The following ARID2 variants were observed in gnomAD, a reference collection of about 807,000 sequenced individuals.
ARID2 encodes the protein AT-rich interactive domain-containing protein 2.
Under a neutral mutation model 184.6 loss-of-function variants are expected in ARID2, and 32 were observed. The ratio of observed to expected loss-of-function variants is 0.17; its 90% CI spans 0.13 to 0.23. ARID2 has a LOEUF of 0.23. ARID2 is among the 10% of genes least tolerant of loss of function. ARID2 has a pLI of 1.00. For missense variants in ARID2, 1,696 were observed against 2,197.6 expected (o/e 0.77, Z 4.56); for synonymous variants, 836 against 772.6 (o/e 1.08, Z -1.36).
intron 3 of ARID2, among the ~76,000 whole-genome samples, chr12:45,774,370 G>A (rs1229008337): frequency 1.3e-5 from 2 of 152,108 alleles, no homozygotes; most frequent in Admixed American, 6.6e-5. Context: ...AGCTGGGGCT[G>A]AATTGGCTGA....
chr12:45,746,960 G>A (rs757644321), intron 3 of ARID2, among the ~76,000 whole-genome samples: 1 of 152,086 alleles, frequency 6.6e-6, no homozygotes, highest in Non-Finnish European at 1.5e-5. Context: ...AGGTAGAGAT[G>A]GGGTTTCACC....
intron 16 of ARID2, among the ~76,000 whole-genome samples, chr12:45,877,312 C>A (rs1018486320): frequency 1.3e-5 from 2 of 151,980 alleles, no homozygotes; most frequent in Non-Finnish European, 2.9e-5. Context: ...CCTGTTAGAT[C>A]AGTGGCGGCA....
intron 3 of ARID2, among the ~76,000 whole-genome samples, chr12:45,797,469 G>A (rs1344540160): frequency 1.3e-5 from 2 of 152,032 alleles, no homozygotes; most frequent in Non-Finnish European, 2.9e-5. Flanking sequence ...CCTGATCTCA[G>A]GTGATCCACC....
At chr12:45,801,172 C>T (rs933688115) in intron 3 of ARID2, among the ~76,000 whole-genome samples, 19 of 151,948 alleles carry the variant, frequency 1.3e-4, no homozygotes, top group African/African-American at 4.1e-4. Flanking sequence ...ATTAGCCACG[C>T]GCGGTGGTAG....
chr12:45,784,569 C>T (rs1489272226), intron 3 of ARID2, among the ~76,000 whole-genome samples: 2 of 151,934 alleles, frequency 1.3e-5, no homozygotes, highest in African/African-American at 4.8e-5. Flanking sequence ...GGGGCTGAGG[C>T]GGGAAGATCA....
chr12:45,821,112 T>C (rs1003625077), intron 5 of ARID2, among the ~76,000 whole-genome samples: 2 of 152,156 alleles, frequency 1.3e-5, no homozygotes, highest in Non-Finnish European at 2.9e-5. Flanking sequence ...TTTTAAGATT[T>C]TTCTTCTGTA....
intron 3 of ARID2, among the ~76,000 whole-genome samples, chr12:45,783,405 A>G (rs1942133815): frequency 6.6e-6 from 1 of 152,226 alleles, no homozygotes; most frequent in East Asian, 1.9e-4. Context: ...CATCTCAGTA[A>G]ATGAGGAAAA....
intron 11 of ARID2, among the ~76,000 whole-genome samples, chr12:45,846,533 A>T (rs1260111040): frequency 6.6e-6 from 1 of 152,122 alleles, no homozygotes; most frequent in African/African-American, 2.4e-5. Context: ...AAGTAAGCAG[A>T]TATTGTAAAG....
chr12:45,866,928 T>TTTGTTGTTGTTG lies in ARID2; in HGVS notation c.4922+6006_4922+6017dup, dbSNP rs369872664. On this transcript the variant is annotated intron_variant, in intron 16 of 20. Transcript: ENST00000334344. ...TGTTTTGTTGGGTTGTTTTGTGAAG[T>TTTGTTGTTGTTG]TTGTTGTTGTTGTTGTTGTTGTTGT... Among the ~76,000 whole-genome samples, 26 of 150,164 alleles carry TTTGTTGTTGTTG rather than the reference T, an allele frequency of 1.7e-4. 1 individual carries two copies. The highest frequency in any genetic ancestry group is 1.2e-3 in the East Asian group (6 of 5,006).
At chr12:45,801,886 G>C (rs1415356081) in intron 3 of ARID2, among the ~76,000 whole-genome samples, 2 of 152,076 alleles carry the variant, frequency 1.3e-5, no homozygotes, top group African/African-American at 4.8e-5. Context: ...TCTGGATGAA[G>C]GATAAATGAA....
intron 3 of ARID2, among the ~76,000 whole-genome samples, chr12:45,793,821 G>GT (rs1942338656): frequency 1.4e-5 from 2 of 146,846 alleles, no homozygotes; most frequent in Non-Finnish European, 3.0e-5. Context: ...AGGTCTGCTG[G>GT]TTTTAAAAAA....
chr12:45,860,661 T>C, intron 15 of ARID2, 140 bp from the exon 16 acceptor site: 1 of 688,124 alleles, frequency 1.5e-6, no homozygotes, highest in Non-Finnish European at 2.0e-6. Context: ...ATTTTAAAGG[T>C]AATCATAAGC....
chr12:45,851,375 T>G lies in ARID2; in HGVS notation c.3252T>G (p.Ile1084Met), dbSNP rs1429185265. ...AGCTTATTCTCCCAGCTCCACAGAT[T>G]CCTCCCCCTAATAATGCAAGAGCTC... Reference protein sequence around the residue: ...GGKLILPAPQIPPPNNARAPS... With the variant: ...GGKLILPAPQMPPPNNARAPS... The change falls in exon 15 of 21, where the codon ATT (isoleucine) becomes ATG (methionine). Residue 1084 changes from isoleucine (I) to methionine (M), a missense_variant. Coordinates refer to ENST00000334344, the MANE Select transcript of ARID2 (RefSeq NM_152641.4). 11 of 1,613,884 alleles carry G rather than the reference T, an allele frequency of 6.8e-6. No homozygotes were observed. In the African/African-American group the frequency reaches 1.3e-4, roughly 20 times the overall value.
intron 3 of ARID2, among the ~76,000 whole-genome samples, chr12:45,754,639 A>G (rs1311541100): frequency 6.6e-6 from 1 of 152,194 alleles, no homozygotes; most frequent in African/African-American, 2.4e-5. Context: ...TATCTCATCA[A>G]GCAGCTTGAA....
In ARID2 at chr12:45,848,889, T is replaced by C. The variant is rs1943489769; in HGVS notation, c.1634T>C (p.Met545Thr). 1.2e-6 allele frequency: 2 copies of C among 1,612,588 alleles called. No homozygotes were observed. The highest frequency in any genetic ancestry group is 8.5e-7 in the Non-Finnish European group (1 of 1,179,070). The change falls in exon 13 of 21, where the codon ATG (methionine) becomes ACG (threonine). Residue 545 changes from methionine (M) to threonine (T), a missense_variant. Transcript: ENST00000334344. ...NPDCSVSRAE[M>T]YSEYLSTCSK... ...GATTGTTCTGTTTCTCGAGCAGAAA[T>C]GTATTCTGAATACCTCTCGACTTGC...
At position 45,808,058 on chromosome 12, in the gene ARID2, TG is replaced by T. The variant is rs1942633632; in HGVS notation, c.285-3359del. Among the ~76,000 whole-genome samples the T allele has an allele frequency of 3.9e-5, 6 of 152,312 alleles. No individual in the cohort carries two copies. In the South Asian group the frequency reaches 1.2e-3, roughly 32 times the overall value. ...TTACTATAGGAGCTCAGCAAATATT[TG>T]TTTGAATAATATGTTAACTGTTCAA... is the stretch of plus-strand genomic sequence containing the variant. On this transcript the variant is annotated intron_variant, in intron 3 of 20. Transcript: ENST00000334344.
At chr12:45,901,781 C>T (rs1043771454) in intron 20 of ARID2, among the ~76,000 whole-genome samples, 1 of 152,154 alleles carries the variant, frequency 6.6e-6, no homozygotes, top group East Asian at 1.9e-4. Context: ...CCCACCTTAG[C>T]CTCCTGAGTA....
intron 20 of ARID2, chr12:45,894,052 C>T (rs1365620748): frequency 1.6e-5 from 3 of 182,258 alleles, no homozygotes; most frequent in South Asian, 1.6e-4. Context: ...ATTTGAATCA[C>T]GTGGAGTCCA....
chr12:45,906,797 G>T lies in ARID2; in HGVS notation c.*1719G>T, dbSNP rs543999333. 4 of 231,948 alleles carry T rather than the reference G, an allele frequency of 1.7e-5. No individual in the cohort carries two copies. In the Admixed American group the frequency reaches 2.3e-4, roughly 13 times the overall value. The allele number at this position is 231,948 out of a possible 1,614,324, so 14.4% of individuals were successfully genotyped here. A position where few individuals can be genotyped will look rare whatever the true frequency, so the allele number is the denominator to read the frequency against. On this transcript the variant is annotated 3_prime_UTR_variant, in exon 21 of 21. Coordinates refer to ENST00000334344, the MANE Select transcript of ARID2 (RefSeq NM_152641.4). ...TAGAGAACAGCAAATGATTGATGCA[G>T]TTAAAGCTCAATATGCCTTTTTTTA...
Sources: gnomAD v4.1 joint callset for allele counts (sites outside exome capture counted in the v4.1 genomes callset) on GRCh38, gnomAD v4.1.1 for gene constraint, MANE v1.5 for transcripts, NCBI Gene and HGNC (gene_info 2026-07-23, HGNC 2026-07-21) for gene names.